The following BCAS3 variants were observed in gnomAD, a reference collection of about 807,000 sequenced individuals.
BCAS3 encodes BCAS3 microtubule associated cell migration factor, also known as BCAS4/BCAS3 fusion.
A neutral mutation model predicts 116.1 loss-of-function variants in BCAS3; 53 were observed. The observed-to-expected ratio is 0.46, with a 90% CI of 0.37 to 0.57. The LOEUF is 0.57. BCAS3 is among the 20% of genes least tolerant of loss of function. The probability of loss-of-function intolerance (pLI) is 0.00; values close to 1 mark genes in which losing one functional copy is unlikely to be tolerated. For missense variants in BCAS3, 917 were observed against 1,165.4 expected, an observed-to-expected ratio of 0.79 and a Z score of 3.10; for synonymous variants, 391 against 408.2, an observed-to-expected ratio of 0.96 and a Z score of 0.51.
At chr17:60,979,641 A>T (rs917601266) in intron 14 of BCAS3, among the ~76,000 whole-genome samples, 8 of 149,916 alleles carry the variant, frequency 5.3e-5, no homozygotes, top group African/African-American at 2.0e-4. Context: ...TTTGTCATAG[A>T]TAGCTCTTAT....
chr17:61,288,724 G>C (rs557099483), intron 22 of BCAS3, among the ~76,000 whole-genome samples: 44 of 152,280 alleles, frequency 2.9e-4, no homozygotes, highest in African/African-American at 1.0e-3. Flanking sequence ...TTTTAATGCA[G>C]AGATGCCTAG....
rs539593034 is a variant in BCAS3, at chr17:61,104,625, C to T, written c.2425+20061C>T. 2.1e-4 allele frequency among the ~76,000 whole-genome samples: 32 copies of T among 152,242 alleles called. No homozygotes were observed. In the South Asian group the frequency reaches 3.7e-3, roughly 18 times the overall value. On this transcript the variant is annotated intron_variant, in intron 22 of 23. Transcript: ENST00000407086. This position sits in a 1 kb window ranked among gnomAD's most constrained non-coding sequence, Gnocchi z 4.1. Reference sequence around the variant, plus strand: ...CGTGTCAGCGCCTTGAGCTCCAAATCGGGTATTACATGTCACCCTGTGAAA... The same window carrying T: ...CGTGTCAGCGCCTTGAGCTCCAAATTGGGTATTACATGTCACCCTGTGAAA...
intron 19 of BCAS3, 47 bp downstream of exon 19, chr17:61,040,939 T>C: frequency 1.3e-6 from 2 of 1,486,568 alleles, no homozygotes; most frequent in Non-Finnish European, 1.9e-6. Flanking sequence ...TCTATTCAGA[T>C]TTCATCTTAA....
chr17:61,342,943 A>G (rs2057275988), intron 22 of BCAS3, among the ~76,000 whole-genome samples: 1 of 151,812 alleles, frequency 6.6e-6, no homozygotes, highest in South Asian at 2.1e-4. Flanking sequence ...GTAGAGACAG[A>G]GTTTCACCAG....
At chr17:61,115,482 A>C (rs2075372695) in intron 22 of BCAS3, among the ~76,000 whole-genome samples, 1 of 141,410 alleles carries the variant, frequency 7.1e-6, no homozygotes. Context: ...CAAAAAACAC[A>C]TGAAAAAATG....
intron 22 of BCAS3, among the ~76,000 whole-genome samples, chr17:61,254,739 T>C (rs1277506287): frequency 8.7e-6 from 1 of 114,526 alleles, no homozygotes; most frequent in Non-Finnish European, 1.6e-5. Context: ...ATTGCGCCAC[T>C]GCACTCCAGC....
chr17:61,182,394 TA>T (rs1398641026), intron 22 of BCAS3, among the ~76,000 whole-genome samples: 1 of 152,000 alleles, frequency 6.6e-6, no homozygotes, highest in African/African-American at 2.4e-5. Context: ...AAGAATAGCT[TA>T]AAAAAACCCC....
chr17:60,966,126 T>G (rs72843596), intron 14 of BCAS3, among the ~76,000 whole-genome samples: 15,583 of 152,282 alleles, frequency 0.1, 998 homozygotes, highest in Non-Finnish European at 0.14. Context: ...TGTCTATTTT[T>G]TCATGTAAGT....
At position 61,180,473 on chromosome 17, in the gene BCAS3, G is replaced by A. The variant is rs1395630030; in HGVS notation, c.2425+95909G>A. Among the ~76,000 whole-genome samples the A allele has an allele frequency of 2.0e-5, 3 of 152,228 alleles. No homozygotes were observed. The highest frequency in any genetic ancestry group is 7.2e-5 in the African/African-American group (3 of 41,458). On this transcript the variant is annotated intron_variant, in intron 22 of 23. Coordinates refer to ENST00000407086, the MANE Select transcript of BCAS3 (RefSeq NM_017679.5). The surrounding 1 kb of genome is among the most constrained non-coding windows in gnomAD (Gnocchi z 6.0). ...AAAATTCTGGCCCAGTGTTGTCAGA[G>A]GATATGAAAGAAATAATGAAAATTC...
chr17:61,110,990 C>T (rs1325830653), intron 22 of BCAS3, among the ~76,000 whole-genome samples: 1 of 152,146 alleles, frequency 6.6e-6, no homozygotes, highest in East Asian at 1.9e-4. Flanking sequence ...ACACCTCACA[C>T]AGCAGGGTAT....
intron 6 of BCAS3, among the ~76,000 whole-genome samples, chr17:60,761,518 C>T (rs925394683): frequency 3.3e-5 from 5 of 152,074 alleles, no homozygotes; most frequent in African/African-American, 1.2e-4. Context: ...CATCCATGTC[C>T]CTGCAAAGGA....
At chr17:60,799,582 G>T (rs1338482942) in intron 6 of BCAS3, among the ~76,000 whole-genome samples, 2 of 138,944 alleles carry the variant, frequency 1.4e-5, no homozygotes, top group Non-Finnish European at 3.0e-5. Flanking sequence ...AGGCTGGAGT[G>T]CAGTGGCCTG....
rs2145539969 is a variant in BCAS3 at position 61,017,275 on chromosome 17, T to A, written c.1637+1374T>A. 6.6e-6 allele frequency among the ~76,000 whole-genome samples: 1 copy of A among 152,314 alleles called. No individual in the cohort carries two copies. The highest frequency in any genetic ancestry group is 2.1e-4 in the South Asian group (1 of 4,834). Reference sequence around the variant, plus strand: ...ATTTTTTCATTGTATATTACATTCCTGGGATGTAGAATCAAAAATGGGACT... The same window carrying A: ...ATTTTTTCATTGTATATTACATTCCAGGGATGTAGAATCAAAAATGGGACT... On this transcript the variant is annotated intron_variant, in intron 16 of 23. Transcript: ENST00000407086. The surrounding 1 kb of genome is among the most constrained non-coding windows in gnomAD (Gnocchi z 4.7).
At chr17:60,989,008 G>A (rs1009143311) in intron 14 of BCAS3, among the ~76,000 whole-genome samples, 4 of 150,640 alleles carry the variant, frequency 2.7e-5, no homozygotes, top group Admixed American at 2.0e-4. Flanking sequence ...TTTTTATTTA[G>A]GTGCTTATAA....
At chr17:61,040,607 T>G (rs1412573414) in intron 18 of BCAS3, among the ~76,000 whole-genome samples, 185 bp from the exon 19 acceptor site, 1 of 152,224 alleles carries the variant, frequency 6.6e-6, no homozygotes, top group Non-Finnish European at 1.5e-5. Flanking sequence ...CACCTTTTTA[T>G]TTTTTCTAAG....
rs527589415 is a variant in BCAS3, at chr17:61,294,043, G to A, written c.2426-74284G>A. ...CTCCCAAAGTACTGGGATTACAGGC[G>A]TGAGCCACAGCATCATTTTTCTGCA... On this transcript the variant is annotated intron_variant, in intron 22 of 23. Coordinates refer to ENST00000407086, the MANE Select transcript of BCAS3 (RefSeq NM_017679.5). Among the ~76,000 whole-genome samples the A allele has an allele frequency of 2.7e-4, 41 of 152,326 alleles. No homozygotes were observed. In the East Asian group the frequency reaches 7.1e-3, roughly 27 times the overall value.
rs551327173 is a variant in BCAS3 at position 61,258,857 on chromosome 17, G to A, written c.2426-109470G>A. On this transcript the variant is annotated intron_variant, in intron 22 of 23. Coordinates refer to ENST00000407086, the MANE Select transcript of BCAS3 (RefSeq NM_017679.5). The surrounding 1 kb of genome is among the most constrained non-coding windows in gnomAD (Gnocchi z 4.7). ...TATTCCAGCATATGGATTTGTATTC[G>A]TAATTCCCCAAGATAAGATTTTACC... is the stretch of plus-strand genomic sequence containing the variant. Among the ~76,000 whole-genome samples the A allele has an allele frequency of 5.3e-5, 8 of 152,262 alleles. No individual in the cohort carries two copies. The highest frequency in any genetic ancestry group is 7.4e-5 in the Non-Finnish European group (5 of 68,006).
chr17:61,120,675 T>TC (rs1393104718), intron 22 of BCAS3, among the ~76,000 whole-genome samples: 1 of 152,108 alleles, frequency 6.6e-6, no homozygotes, highest in Admixed American at 6.5e-5. Flanking sequence ...TCATGATACT[T>TC]CATTTGTAAA....
chr17:60,840,568 T>C (rs1042963594), intron 7 of BCAS3, among the ~76,000 whole-genome samples: 1 of 152,232 alleles, frequency 6.6e-6, no homozygotes, highest in Non-Finnish European at 1.5e-5. Context: ...TCCTGTTTTT[T>C]GACCTCTTCA....
Sources: gnomAD v4.1 joint callset for allele counts (sites outside exome capture counted in the v4.1 genomes callset) on GRCh38, gnomAD v4.1.1 for gene constraint, Gnocchi (gnomAD v3.1) non-coding constraint, MANE v1.5 for transcripts, NCBI Gene and HGNC (gene_info 2026-07-23, HGNC 2026-07-21) for gene names.